The following HS1BP3 variants were observed in gnomAD, a reference collection of about 807,000 sequenced individuals.
HS1BP3 encodes HCLS1-binding protein 3.
Under a neutral mutation model 33.5 loss-of-function variants are expected in HS1BP3, and 32 were observed. The ratio of observed to expected loss-of-function variants is 0.95; its 90% CI spans 0.72 to 1.28. HS1BP3 has a LOEUF of 1.28. Ranked by LOEUF, HS1BP3 falls within the 50% of genes most tolerant of loss-of-function variation. The probability of loss-of-function intolerance (pLI) is 0.00; values close to 1 mark genes in which losing one functional copy is unlikely to be tolerated. For synonymous variants in HS1BP3, 187 were observed against 209.2 expected (o/e 0.89, Z 0.92); for missense variants, 486 against 502.3 (o/e 0.97, Z 0.31).
intron 2 of HS1BP3, among the ~76,000 whole-genome samples, chr2:20,607,931 C>T (rs893120128): frequency 5.3e-5 from 8 of 152,132 alleles, no homozygotes; most frequent in East Asian, 3.8e-4. Flanking sequence ...TTTCTTTCAG[C>T]GGTGTTACAT....
chr2:20,621,257 G>A (rs936558089), intron 6 of HS1BP3, among the ~76,000 whole-genome samples: 1 of 152,352 alleles, frequency 6.6e-6, no homozygotes, highest in Middle Eastern at 3.4e-3. Context: ...GTGGATGCCT[G>A]CCTGGAGCCA....
downstream of HS1BP3, among the ~76,000 whole-genome samples, chr2:20,589,024 C>A (rs1267334805): frequency 2.6e-5 from 4 of 152,212 alleles, no homozygotes; most frequent in African/African-American, 9.7e-5. Context: ...CACCACTAAC[C>A]CAGCACTGAT....
downstream of HS1BP3, among the ~76,000 whole-genome samples, chr2:20,559,721 TGG>T (rs1413532353): frequency 7.2e-6 from 1 of 139,142 alleles, no homozygotes; most frequent in Non-Finnish European, 1.7e-5. Flanking sequence ...GATGGATGGA[TGG>T]ATGGATGGAT....
At chr2:20,629,526 G>A (rs1392537905) in intron 4 of HS1BP3, among the ~76,000 whole-genome samples, 1 of 152,242 alleles carries the variant, frequency 6.6e-6, no homozygotes, top group African/African-American at 2.4e-5. Flanking sequence ...GGGCTTCAAA[G>A]AGAGGTCTGC....
rs1048935441 is a variant in HS1BP3 at position 20,585,388 on chromosome 2, G to A, written c.303-24873C>T. Among the ~76,000 whole-genome samples, 5 of 152,258 alleles carry A rather than the reference G, an allele frequency of 3.3e-5. No homozygotes were observed. In the East Asian group the frequency reaches 5.8e-4, roughly 18 times the overall value. ...GCCTCCTTTTACTCTCGAGTGTCCCGGTCTGGAAGATAACTATATATTTGC... is the reference window on the plus strand; with the variant it reads ...GCCTCCTTTTACTCTCGAGTGTCCCAGTCTGGAAGATAACTATATATTTGC... On this transcript the variant is annotated intron_variant, in intron 5 of 5. Transcript: ENST00000446825.
intron 4 of HS1BP3, among the ~76,000 whole-genome samples, chr2:20,633,682 C>T (rs527254809): frequency 2.8e-4 from 43 of 152,262 alleles, no homozygotes; most frequent in African/African-American, 1.0e-3. Context: ...CCCATCATAC[C>T]CAGCTAATTT....
At chr2:20,561,896 T>C (rs939486799) in intron 5 of HS1BP3, among the ~76,000 whole-genome samples, 3 of 152,130 alleles carry the variant, frequency 2.0e-5, no homozygotes, top group African/African-American at 7.2e-5. Flanking sequence ...ATTAGAAGGT[T>C]GGGACTTCTA....
intron 6 of HS1BP3, chr2:20,622,520 G>T: frequency 2.9e-6 from 1 of 350,164 alleles, no homozygotes; most frequent in Non-Finnish European, 5.7e-6. Context: ...CGCACTACGA[G>T]CCCTGCTTTT....
At position 20,638,524 on chromosome 2, in the gene HS1BP3, C is replaced by A. The variant is rs1489665199; in HGVS notation, c.535G>T (p.Glu179Ter). Residue 179 changes from glutamate to a stop codon, truncating the protein, a stop_gained, in exon 4 of 7, where the codon GAG (glutamate) becomes TAG (stop). Transcript: ENST00000304031. LOFTEE classifies it high-confidence loss of function. ...FFEEQDQVAE[E>*]GPPVQSLKGE... ...TTCAGGCTCTGGACGGGCGGACCCT[C>A]TTCTGCCACTTGGTCTTGCTCCTCA... The A allele has an allele frequency of 6.2e-7, 1 of 1,614,254 alleles. No homozygotes were observed. The highest frequency in any genetic ancestry group is 1.1e-5 in the South Asian group (1 of 91,088).
rs565101194 is a variant in HS1BP3, at chr2:20,611,171, G to T, written c.178+12725C>A. On this transcript the variant is annotated intron_variant, in intron 2 of 3. Coordinates refer to the HS1BP3 transcript ENST00000415264. This position sits in a 1 kb window ranked among gnomAD's most constrained non-coding sequence, Gnocchi z 4.9. ...GCACAGCATTCCGCTGCATCCATGT[G>T]CCACTGTTTGCTTGTTCATTGACCG... is the stretch of plus-strand genomic sequence containing the variant. Among the ~76,000 whole-genome samples, 1 of 152,350 alleles carries T rather than the reference G, an allele frequency of 6.6e-6. No homozygotes were observed. Among genetic ancestry groups the T allele is most frequent in the South Asian group, 2.1e-4 (1 of 4,826 alleles).
At chr2:20,567,051 C>T (rs1693146896) in intron 5 of HS1BP3, among the ~76,000 whole-genome samples, 1 of 152,184 alleles carries the variant, frequency 6.6e-6, no homozygotes. Flanking sequence ...GTATTGGGTG[C>T]CTGCATGTGC....
rs3796065 is a variant in HS1BP3, at chr2:20,638,462, C to T, written c.597G>A (p.Glu199=). The part of the protein sequence containing the change: ...EDAEESLEEE[E]ALDPLGIMRS... ...GCATAATGCCCAGAGGGTCCAGCGC[C>T]TCCTCCTCCTCCAAGGATTCCTCAG... The change falls in exon 4 of 7, where the codon GAG becomes GAA. Residue 199 remains glutamate (E), a synonymous_variant. Coordinates refer to ENST00000304031, the MANE Select transcript of HS1BP3 (RefSeq NM_022460.4). The T allele has an allele frequency of 0.19, 307,219 of 1,613,758 alleles. 30,567 individuals are homozygous for T. Among genetic ancestry groups the T allele is most frequent in the Non-Finnish European group, 0.2 (241,092 of 1,179,688 alleles).
intron 1 of HS1BP3, among the ~76,000 whole-genome samples, 185 bp downstream of exon 1, chr2:20,650,847 T>C (rs1408242600): frequency 6.6e-6 from 1 of 152,176 alleles, no homozygotes; most frequent in African/African-American, 2.4e-5. Flanking sequence ...TTTCCTCATC[T>C]GTAAATCGGG....
downstream of HS1BP3, among the ~76,000 whole-genome samples, chr2:20,557,855 A>C (rs1692876453): frequency 6.6e-6 from 1 of 152,198 alleles, no homozygotes; most frequent in Admixed American, 6.5e-5. Context: ...CAACAAGAGG[A>C]GAGGCAGTTC....
chr2:20,563,824 C>T (rs1026572534), intron 5 of HS1BP3, among the ~76,000 whole-genome samples: 2 of 152,158 alleles, frequency 1.3e-5, no homozygotes, highest in Non-Finnish European at 2.9e-5. Context: ...GCGGTATCGA[C>T]ATCCCCTGAG....
chr2:20,586,165 C>G (rs1693676358), intron 5 of HS1BP3: 1 of 152,272 alleles, frequency 6.6e-6, no homozygotes. Context: ...CTCCCAGGAG[C>G]CGGGACCGTC....
At chr2:20,625,023 G>T in intron 4 of HS1BP3, 131 bp from the exon 5 acceptor site, 1 of 1,103,230 alleles carries the variant, frequency 9.1e-7, no homozygotes, top group Non-Finnish European at 1.3e-6. Flanking sequence ...GACCAGGCCA[G>T]AGGGACCAGG....
At chr2:20,592,515 C>T (rs1693842094), downstream of HS1BP3, 3 of 166,774 alleles carry the variant, frequency 1.8e-5, no homozygotes, top group East Asian at 1.9e-4. Context: ...GCATGTCCCT[C>T]CTCCGCTCAA....
intron 2 of HS1BP3, chr2:20,606,560 T>A: frequency 2.0e-6 from 1 of 488,266 alleles, no homozygotes; most frequent in Non-Finnish European, 4.1e-6. Context: ...GCACTTCTTC[T>A]TTTTGGCCTT....
Sources: allele counts gnomAD v4.1 joint callset (sites outside exome capture counted in the v4.1 genomes callset), GRCh38; gene constraint gnomAD v4.1.1; non-coding constraint Gnocchi (gnomAD v3.1); transcripts MANE v1.5; gene names NCBI Gene and HGNC (gene_info 2026-07-23, HGNC 2026-07-21).